The following MAP3K5 variants were observed in gnomAD, a reference collection of about 807,000 sequenced individuals.
MAP3K5 encodes the protein ASK-1.
In MAP3K5, 56 loss-of-function variants were observed where a neutral mutation model predicts 158.7. The ratio of observed to expected loss-of-function variants is 0.35; its 90% confidence interval spans 0.28 to 0.44. The LOEUF (loss-of-function observed/expected upper bound fraction) is 0.44. Ranked by LOEUF, MAP3K5 falls within the 20% of genes least tolerant of loss-of-function variation. The probability of loss-of-function intolerance (pLI) is 1.00; values close to 1 mark genes in which losing one functional copy is unlikely to be tolerated. For synonymous variants in MAP3K5, 579 were observed against 601.7 expected, an observed-to-expected ratio of 0.96 and a Z score of 0.55; for missense variants, 1,294 against 1,674.8, an observed-to-expected ratio of 0.77 and a Z score of 3.97.
At chr6:136,628,789 G>A (rs1326771593) in intron 14 of MAP3K5, among the ~76,000 whole-genome samples, 1 of 152,114 alleles carries the variant, frequency 6.6e-6, no homozygotes, top group Non-Finnish European at 1.5e-5. Context: ...CCATCTCTGT[G>A]GGTAATTGCT....
At chr6:136,750,223 G>A (rs1030308336) in intron 1 of MAP3K5, among the ~76,000 whole-genome samples, 34 of 152,112 alleles carry the variant, frequency 2.2e-4, no homozygotes, top group African/African-American at 8.0e-4. Context: ...GATTACAGGC[G>A]TGCACGAGCA....
chr6:136,715,783 C>T (rs181822361), intron 2 of MAP3K5, among the ~76,000 whole-genome samples: 3 of 152,144 alleles, frequency 2.0e-5, no homozygotes, highest in Admixed American at 2.0e-4. Flanking sequence ...GTAATCCCAG[C>T]ACTTTGGGAG....
intron 1 of MAP3K5, among the ~76,000 whole-genome samples, chr6:136,777,104 G>A (rs1222080064): frequency 6.6e-6 from 1 of 152,192 alleles, no homozygotes; most frequent in Non-Finnish European, 1.5e-5. Context: ...GAGTTGCTCA[G>A]CAAGAAAAGT....
intron 1 of MAP3K5, among the ~76,000 whole-genome samples, chr6:136,726,997 G>A (rs747846823): frequency 1.3e-4 from 20 of 151,914 alleles, no homozygotes; most frequent in East Asian, 7.7e-4. Context: ...TGTTATACTC[G>A]CTAGGACTTC....
At chr6:136,582,140 C>G (rs562206449) in intron 24 of MAP3K5, among the ~76,000 whole-genome samples, 1 of 152,128 alleles carries the variant, frequency 6.6e-6, no homozygotes, top group Non-Finnish European at 1.5e-5. Context: ...ATAACCATAA[C>G]CTGCTCCTCT....
intron 7 of MAP3K5, among the ~76,000 whole-genome samples, chr6:136,671,775 G>A (rs966854417): frequency 4.0e-5 from 6 of 151,616 alleles, no homozygotes; most frequent in Non-Finnish European, 7.4e-5. Flanking sequence ...CACCATGCCC[G>A]AATAATTTTT....
At chr6:136,699,715 G>C (rs1394680970) in intron 3 of MAP3K5, among the ~76,000 whole-genome samples, 2 of 152,200 alleles carry the variant, frequency 1.3e-5, no homozygotes, top group African/African-American at 2.4e-5. Flanking sequence ...TCGAAGCTCA[G>C]GGAAGGGAAT....
intron 25 of MAP3K5, among the ~76,000 whole-genome samples, chr6:136,574,247 A>T (rs1774497965): frequency 6.6e-6 from 1 of 152,206 alleles, no homozygotes; most frequent in Non-Finnish European, 1.5e-5. Flanking sequence ...AAGCTTCTTT[A>T]ACACAGAGTA....
At chr6:136,599,631 A>G (rs1775790654) in intron 21 of MAP3K5, among the ~76,000 whole-genome samples, 1 of 152,232 alleles carries the variant, frequency 6.6e-6, no homozygotes, top group Non-Finnish European at 1.5e-5. Flanking sequence ...ATCATGGATT[A>G]AACTTCCAGG....
chr6:136,636,914 A>T, intron 14 of MAP3K5: 1 of 999,318 alleles, frequency 1.0e-6, no homozygotes, highest in Non-Finnish European at 1.2e-6. Context: ...AATTCCATTA[A>T]TCTTCCATGG....
At chr6:136,656,828 G>C (rs994960072) in intron 9 of MAP3K5, among the ~76,000 whole-genome samples, 2 of 152,144 alleles carry the variant, frequency 1.3e-5, no homozygotes, top group Non-Finnish European at 2.9e-5. Flanking sequence ...CACCATGTTG[G>C]CCAGGCTGGT....
At chr6:136,653,382 T>C (rs574750377) in intron 10 of MAP3K5, among the ~76,000 whole-genome samples, 1 of 152,320 alleles carries the variant, frequency 6.6e-6, no homozygotes, top group South Asian at 2.1e-4. Context: ...TTTTCTAAAA[T>C]AGGCCATCCT....
At chr6:136,743,252 C>A (rs1782788847) in intron 1 of MAP3K5, among the ~76,000 whole-genome samples, 2 of 152,130 alleles carry the variant, frequency 1.3e-5, no homozygotes, top group Non-Finnish European at 2.9e-5. Context: ...AAATCGAGAC[C>A]ATCCTGGCTA....
chr6:136,559,871 T>C (rs1830430679), intron 28 of MAP3K5, among the ~76,000 whole-genome samples: 1 of 152,118 alleles, frequency 6.6e-6, no homozygotes, highest in African/African-American at 2.4e-5. Flanking sequence ...GGTGATTATT[T>C]AGTAGATTAT....
chr6:136,749,633 C>T (rs988500860), intron 1 of MAP3K5, among the ~76,000 whole-genome samples: 1 of 152,082 alleles, frequency 6.6e-6, no homozygotes, highest in Non-Finnish European at 1.5e-5. Context: ...ACACCCACAG[C>T]ACCATATCTA....
At chr6:136,579,070 A>G (rs1330644954) in intron 25 of MAP3K5, among the ~76,000 whole-genome samples, 1 of 152,048 alleles carries the variant, frequency 6.6e-6, no homozygotes. Context: ...TTTTAAATTT[A>G]TATTTCAGAA....
rs141808323 is a variant in MAP3K5, at chr6:136,788,761, C to T, written c.448+2949G>A. Among the ~76,000 whole-genome samples, 273 of 152,176 alleles carry T rather than the reference C, an allele frequency of 1.8e-3. 2 individuals carry two copies. Among genetic ancestry groups the T allele is most frequent in the South Asian group, 3.5e-3 (17 of 4,824 alleles). Reference sequence around the variant, plus strand: ...AAAGTCAAAAAATAACAGATGTTGGCGAGGCTGCAGAGAAAAGGGAACACT... The same window carrying T: ...AAAGTCAAAAAATAACAGATGTTGGTGAGGCTGCAGAGAAAAGGGAACACT... On this transcript the variant is annotated intron_variant, in intron 1 of 29. Coordinates refer to ENST00000359015, the MANE Select transcript of MAP3K5 (RefSeq NM_005923.4).
At chr6:136,614,525 G>T (rs1243780568) in intron 15 of MAP3K5, among the ~76,000 whole-genome samples, 1 of 152,160 alleles carries the variant, frequency 6.6e-6, no homozygotes, top group African/African-American at 2.4e-5. Context: ...TCCATGAGAA[G>T]GTAGTATTGG....
At chr6:136,775,115 T>C (rs1720916461) in intron 1 of MAP3K5, among the ~76,000 whole-genome samples, 1 of 151,392 alleles carries the variant, frequency 6.6e-6, no homozygotes, top group Non-Finnish European at 1.5e-5. Flanking sequence ...AACAGAAATA[T>C]GAATTAAAAA....
Sources: allele counts gnomAD v4.1 joint callset (sites outside exome capture counted in the v4.1 genomes callset), GRCh38; gene constraint gnomAD v4.1.1; transcripts MANE v1.5; gene names NCBI Gene and HGNC (gene_info 2026-07-23, HGNC 2026-07-21).